The following HCRTR2 variants were observed in gnomAD, a reference collection of about 807,000 sequenced individuals.
The protein encoded by HCRTR2 is orexin receptor type 2.
Under a neutral mutation model 49.0 loss-of-function variants are expected in HCRTR2, and 22 were observed. That is an observed-to-expected ratio of 0.45 (90% CI 0.32 to 0.64). The LOEUF is 0.64. HCRTR2 is among the 30% of genes least tolerant of loss of function. The pLI is 0.04. For synonymous variants in HCRTR2, 236 were observed against 205.3 expected (o/e 1.15, Z -1.28); for missense variants, 491 against 559.4 (o/e 0.88, Z 1.23).
intron 1 of HCRTR2, among the ~76,000 whole-genome samples, chr6:55,184,996 C>T (rs934504219): frequency 3.9e-5 from 6 of 152,084 alleles, no homozygotes; most frequent in South Asian, 2.1e-4. Context: ...GAAGGCAATT[C>T]GTCTTTCATA....
At chr6:55,177,166 C>G (rs868399896) in intron 1 of HCRTR2, among the ~76,000 whole-genome samples, 5 of 152,282 alleles carry the variant, frequency 3.3e-5, no homozygotes, top group Middle Eastern at 3.4e-3. Context: ...TCCACAGCCC[C>G]AAGTGCTGAA....
At chr6:55,123,182 G>A (rs1307116699) in intron 1 of HCRTR2, among the ~76,000 whole-genome samples, 1 of 151,864 alleles carries the variant, frequency 6.6e-6, no homozygotes, top group South Asian at 2.1e-4. Flanking sequence ...GGAGTGGTGA[G>A]AGAGGGCATC....
upstream of HCRTR2, chr6:55,174,316 G>T: frequency 2.0e-6 from 1 of 502,334 alleles, no homozygotes; most frequent in Non-Finnish European, 3.6e-6. Context: ...TCTCCTCCTG[G>T]TGTCATTGCT....
intron 1 of HCRTR2, among the ~76,000 whole-genome samples, chr6:55,206,367 G>A (rs1358752858): frequency 2.0e-5 from 3 of 152,030 alleles, no homozygotes; most frequent in Non-Finnish European, 4.4e-5. Flanking sequence ...TTTCACGACT[G>A]TGATAGTACC....
intron 1 of HCRTR2, among the ~76,000 whole-genome samples, chr6:55,136,670 T>C (rs2127250677): frequency 6.6e-6 from 1 of 152,208 alleles, no homozygotes; most frequent in East Asian, 1.9e-4. Flanking sequence ...TAAAGCTAAG[T>C]TGGATATAAT....
chr6:55,245,441 G>A (rs2127309247), intron 1 of HCRTR2, among the ~76,000 whole-genome samples: 1 of 118,728 alleles, frequency 8.4e-6, no homozygotes, highest in South Asian at 2.8e-4. Flanking sequence ...ATATATACCA[G>A]TATACACATA....
intron 1 of HCRTR2, among the ~76,000 whole-genome samples, chr6:55,141,658 A>G (rs1236187203): frequency 6.6e-6 from 1 of 152,180 alleles, no homozygotes; most frequent in African/African-American, 2.4e-5. Context: ...AGATGTTTGA[A>G]CCCAGCTGTT....
intron 1 of HCRTR2, among the ~76,000 whole-genome samples, chr6:55,199,471 G>T (rs1211358174): frequency 6.6e-6 from 1 of 151,892 alleles, no homozygotes; most frequent in Non-Finnish European, 1.5e-5. Flanking sequence ...TCATTAATAT[G>T]AATTATTTCA....
chr6:55,184,361 T>A (rs1765182382), intron 1 of HCRTR2, among the ~76,000 whole-genome samples: 1 of 152,208 alleles, frequency 6.6e-6, no homozygotes, highest in South Asian at 2.1e-4. Flanking sequence ...TATGATTAGT[T>A]ACTGACTGAG....
intron 1 of HCRTR2, among the ~76,000 whole-genome samples, chr6:55,212,580 G>C (rs577047009): frequency 6.6e-6 from 1 of 152,122 alleles, no homozygotes; most frequent in African/African-American, 2.4e-5. Context: ...TCTTCCTGGC[G>C]TGGAAGTAGT....
At chr6:55,108,812 G>A (rs916475010) in intron 1 of HCRTR2, among the ~76,000 whole-genome samples, 1 of 152,016 alleles carries the variant, frequency 6.6e-6, no homozygotes, top group African/African-American at 2.4e-5. Flanking sequence ...AATTTTCCAG[G>A]GCAGAACTGG....
chr6:55,116,465 T>A (rs761891752), intron 1 of HCRTR2, among the ~76,000 whole-genome samples: 6 of 146,770 alleles, frequency 4.1e-5, no homozygotes, highest in Non-Finnish European at 6.1e-5. Flanking sequence ...AAAGAGAGAG[T>A]TGGAAGAGGA....
Position 55,116,495 on chromosome 6 carries a change from G to A in HCRTR2, c.-378+9950G>A, listed in dbSNP as rs572855959. On this transcript the variant is annotated intron_variant, in intron 1 of 7. Transcript: ENST00000615358. ...AGAGGAAGAGGGAAAGAAAAAAATG[G>A]GAAGAGGAGAAGAAAGGAAAGAGGG... Among the ~76,000 whole-genome samples, 89 of 150,670 alleles carry A rather than the reference G, an allele frequency of 5.9e-4. 1 individual carries two copies. In the Middle Eastern group the frequency reaches 0.01, roughly 17 times the overall value.
chr6:55,232,822 T>G (rs1002655255), intron 1 of HCRTR2, among the ~76,000 whole-genome samples: 16 of 152,208 alleles, frequency 1.1e-4, no homozygotes, highest in African/African-American at 3.6e-4. Context: ...ACAGAGATGC[T>G]AAATAACTTG....
At chr6:55,166,956 C>CATGTTATGATTCA (rs70983500) in intron 1 of HCRTR2, among the ~76,000 whole-genome samples, 98,177 of 151,748 alleles carry the variant, frequency 0.65, 32,139 homozygotes, top group East Asian at 0.84. Context: ...CAAAACCCAA[C>CATGTTATGATTCA]ATTTAAAGGA....
At chr6:55,240,307 G>C (rs1014943760) in intron 1 of HCRTR2, among the ~76,000 whole-genome samples, 1 of 133,502 alleles carries the variant, frequency 7.5e-6, no homozygotes, top group African/African-American at 2.8e-5. Flanking sequence ...GCAGTGAGCC[G>C]AGATAGTGCC....
intron 5 of HCRTR2, among the ~76,000 whole-genome samples, chr6:55,279,467 G>A (rs1298373467): frequency 6.7e-6 from 1 of 148,544 alleles, no homozygotes; most frequent in Non-Finnish European, 1.5e-5. Flanking sequence ...ACCAGAAATG[G>A]TATAAGGTAC....
At chr6:55,241,067 C>T (rs1233851527) in intron 1 of HCRTR2, among the ~76,000 whole-genome samples, 2 of 151,166 alleles carry the variant, frequency 1.3e-5, no homozygotes, top group Admixed American at 1.3e-4. Flanking sequence ...TGGTGTGCTG[C>T]ACCCATTAAC....
intron 1 of HCRTR2, among the ~76,000 whole-genome samples, chr6:55,143,373 C>T (rs1379735524): frequency 1.3e-5 from 2 of 152,170 alleles, no homozygotes; most frequent in East Asian, 1.9e-4. Flanking sequence ...ACAATGTATC[C>T]CACAAACCCA....
Sources: allele counts gnomAD v4.1 joint callset (sites outside exome capture counted in the v4.1 genomes callset), GRCh38; gene constraint gnomAD v4.1.1; transcripts MANE v1.5; gene names NCBI Gene and HGNC (gene_info 2026-07-23, HGNC 2026-07-21).